The following PLEKHA5 variants were observed in gnomAD, a reference collection of about 807,000 sequenced individuals.
PLEKHA5 encodes pleckstrin homology domain containing A5, also known as pleckstrin homology domain-containing family A member 5.
A neutral mutation model predicts 181.9 loss-of-function variants in PLEKHA5; 55 were observed. That is an observed-to-expected ratio of 0.30 (90% CI 0.24 to 0.38). The LOEUF is 0.38. Ranked by LOEUF, PLEKHA5 falls within the 10% of genes least tolerant of loss-of-function variation. The pLI, the probability that PLEKHA5 is intolerant of heterozygous loss-of-function variation, is 1.00. For missense variants in PLEKHA5, 1,432 were observed against 1,549.5 expected, an observed-to-expected ratio of 0.92 and a Z score of 1.27; for synonymous variants, 535 against 529.4, an observed-to-expected ratio of 1.01 and a Z score of -0.15.
intron 18 of PLEKHA5, 35 bp from the exon 19 acceptor site, chr12:19,322,275 A>C: frequency 7.0e-7 from 1 of 1,424,238 alleles, no homozygotes; most frequent in Non-Finnish European, 9.9e-7. Context: ...AAAAAATAAA[A>C]AATTGCTAAC....
chr12:19,307,096 A>G (rs1363069103), intron 15 of PLEKHA5: 1 of 1,091,716 alleles, frequency 9.2e-7, no homozygotes, highest in East Asian at 2.4e-5. Flanking sequence ...GCTGAAGCTT[A>G]TGAGCACTGT....
At chr12:19,164,076 C>T (rs1197958758) in intron 3 of PLEKHA5, among the ~76,000 whole-genome samples, 1 of 152,138 alleles carries the variant, frequency 6.6e-6, no homozygotes, top group African/African-American at 2.4e-5. Context: ...ACACTCTTTT[C>T]ACTTTGTTTT....
intron 16 of PLEKHA5, among the ~76,000 whole-genome samples, chr12:19,315,297 C>T (rs1199610860): frequency 6.6e-6 from 1 of 152,076 alleles, no homozygotes; most frequent in Admixed American, 6.6e-5. Context: ...ACAACTTCCC[C>T]CAACCTAGTG....
intron 3 of PLEKHA5, among the ~76,000 whole-genome samples, chr12:19,217,318 G>A (rs2058147397): frequency 6.6e-6 from 1 of 152,108 alleles, no homozygotes; most frequent in African/African-American, 2.4e-5. Context: ...CTCCCAGAAA[G>A]GGAAAGATTG....
chr12:19,148,578 G>A (rs1344422804), intron 3 of PLEKHA5, among the ~76,000 whole-genome samples: 2 of 152,198 alleles, frequency 1.3e-5, no homozygotes, highest in African/African-American at 4.8e-5. Flanking sequence ...AACAGGACAG[G>A]CCTGGTTCGA....
intron 9 of PLEKHA5, 22 bp from the exon 10 acceptor site, chr12:19,270,166 T>A: frequency 7.0e-7 from 1 of 1,421,616 alleles, no homozygotes. Flanking sequence ...ACATTCAAAC[T>A]GAATGTTCTT....
At chr12:19,260,255 A>G (rs2068065285) in intron 6 of PLEKHA5, among the ~76,000 whole-genome samples, 1 of 152,176 alleles carries the variant, frequency 6.6e-6, no homozygotes, top group African/African-American at 2.4e-5. Context: ...CAATTCACAT[A>G]TTTCTCTTCT....
intron 3 of PLEKHA5, among the ~76,000 whole-genome samples, chr12:19,219,223 G>T (rs566471434): frequency 6.6e-6 from 1 of 152,122 alleles, no homozygotes; most frequent in Non-Finnish European, 1.5e-5. Context: ...TTACACGGGG[G>T]TGATGATTTG....
intron 3 of PLEKHA5, among the ~76,000 whole-genome samples, chr12:19,221,171 G>A (rs147739614): frequency 1.4e-4 from 21 of 152,242 alleles, no homozygotes; most frequent in African/African-American, 4.8e-4. Context: ...TTGAAAACAT[G>A]TCCACACAAA....
At chr12:19,193,499 T>A (rs1008216954) in intron 3 of PLEKHA5, among the ~76,000 whole-genome samples, 7 of 152,300 alleles carry the variant, frequency 4.6e-5, no homozygotes, top group African/African-American at 1.7e-4. Context: ...TTGATTTTTT[T>A]AATTTGTATA....
intron 3 of PLEKHA5, among the ~76,000 whole-genome samples, chr12:19,136,648 C>G (rs922249580): frequency 6.6e-6 from 1 of 152,134 alleles, no homozygotes; most frequent in Non-Finnish European, 1.5e-5. Flanking sequence ...TCTTAAGGCT[C>G]TCTGAATAGT....
chr12:19,281,226 C>CA lies in PLEKHA5; in HGVS notation c.1314-2038dup, dbSNP rs199800119. Among the ~76,000 whole-genome samples the CA allele has an allele frequency of 5.3e-3, 515 of 96,386 alleles. 2 individuals are homozygous for CA. The highest frequency in any genetic ancestry group is 0.011 in the Middle Eastern group (2 of 178). 63.2% of individuals were successfully genotyped at this position (96,386 alleles called of 152,430 possible). A position where few individuals can be genotyped will look rare whatever the true frequency, so the allele number is the denominator to read the frequency against. ...TGGGTGACAGAGTGAGAATCCATCT[C>CA]AAAAAAAAAAAAAAAAGTATGTTTG... On this transcript the variant is annotated intron_variant, in intron 11 of 31. Transcript: ENST00000429027.
intron 11 of PLEKHA5, among the ~76,000 whole-genome samples, chr12:19,280,054 T>G (rs1361143089): frequency 5.8e-5 from 8 of 138,020 alleles, no homozygotes; most frequent in Non-Finnish European, 1.2e-4. Flanking sequence ...TTTTTTTTTT[T>G]TTTTTTTTTT....
intron 15 of PLEKHA5, chr12:19,307,267 G>A (rs2084265514): frequency 2.2e-6 from 1 of 452,240 alleles, no homozygotes; most frequent in African/African-American, 2.0e-5. Context: ...GAGGTCAGGA[G>A]TTCGAGACCA....
intron 15 of PLEKHA5, among the ~76,000 whole-genome samples, chr12:19,292,067 AG>A (rs1440321036): frequency 6.6e-6 from 1 of 152,206 alleles, no homozygotes; most frequent in Non-Finnish European, 1.5e-5. Context: ...GGCAAGAAGG[AG>A]GGTGAATGTA....
chr12:19,207,208 T>G (rs1196813065), intron 3 of PLEKHA5: 1 of 152,118 alleles, frequency 6.6e-6, no homozygotes, highest in Non-Finnish European at 1.5e-5. Flanking sequence ...ATCACAAAAT[T>G]TTCATGGCAA....
Position 19,253,916 on chromosome 12 carries a change from GTTTTTCTTTTTTCCT to G in PLEKHA5, c.228-17_228-3del. On this transcript the variant is annotated splice_polypyrimidine_tract_variant and intron_variant, in intron 3 of 31. Transcript: ENST00000429027. ...GGAATTTTAAATACCTGCATGTTCT[GTTTTTCTTTTTTCCT>G]TTTTTCAGCCATAATGAAAGGAAAG... 7.3e-7 allele frequency: 1 copy of G among 1,365,696 alleles called. No individual in the cohort carries two copies. 84.6% of individuals were successfully genotyped at this position (1,365,696 alleles called of 1,614,324 possible). A position where few individuals can be genotyped will look rare whatever the true frequency, so the allele number is the denominator to read the frequency against.
At chr12:19,373,544 C>T (rs191362030) in intron 31 of PLEKHA5, 1 of 152,252 alleles carries the variant, frequency 6.6e-6, no homozygotes, top group East Asian at 1.9e-4. Context: ...TGGCACATGC[C>T]TGTAATCCCA....
intron 3 of PLEKHA5, among the ~76,000 whole-genome samples, chr12:19,239,590 T>C (rs185345452): frequency 2.0e-4 from 31 of 152,330 alleles, no homozygotes; most frequent in Admixed American, 1.7e-3. Context: ...AAATATATTA[T>C]TTTGGAATTG....
Sources: allele counts gnomAD v4.1 joint callset (sites outside exome capture counted in the v4.1 genomes callset), GRCh38; gene constraint gnomAD v4.1.1; transcripts MANE v1.5; gene names NCBI Gene and HGNC (gene_info 2026-07-23, HGNC 2026-07-21).